Variants in EXOC6B observed in about 807,000 individuals in gnomAD.
EXOC6B encodes the protein SEC15 homolog B.
EXOC6B carries 54 observed loss-of-function variants against 113.5 expected under a neutral mutation model. The ratio of observed to expected loss-of-function variants is 0.48; its 90% CI spans 0.38 to 0.60. The LOEUF (loss-of-function observed/expected upper bound fraction) is 0.60. Among genes scored for constraint, EXOC6B ranks in the 20% least tolerant of loss-of-function variants. The probability of loss-of-function intolerance (pLI) is 0.00; values close to 1 mark genes in which losing one functional copy is unlikely to be tolerated. For synonymous variants in EXOC6B, 357 were observed against 339.0 expected (o/e 1.05, Z -0.58); for missense variants, 797 against 977.5 (o/e 0.82, Z 2.46).
At chr2:72,815,991 T>C (rs1686219333) in intron 1 of EXOC6B, among the ~76,000 whole-genome samples, 3 of 152,086 alleles carry the variant, frequency 2.0e-5, no homozygotes, top group Admixed American at 1.3e-4. Context: ...AAATCCCTTC[T>C]CTACTAAAAC....
chr2:72,206,244 C>T (rs1022763706), intron 20 of EXOC6B, among the ~76,000 whole-genome samples: 3 of 152,152 alleles, frequency 2.0e-5, no homozygotes, highest in East Asian at 1.9e-4. Context: ...AAGTCAGAAT[C>T]GGAAACCAGG....
chr2:72,633,868 T>C (rs1672647820), intron 6 of EXOC6B, among the ~76,000 whole-genome samples: 1 of 152,162 alleles, frequency 6.6e-6, no homozygotes, highest in Non-Finnish European at 1.5e-5. Context: ...CATAAGATAT[T>C]GCAATATGTA....
intron 8 of EXOC6B, among the ~76,000 whole-genome samples, chr2:72,521,067 G>T (rs1573315063): frequency 6.6e-6 from 1 of 152,294 alleles, no homozygotes; most frequent in South Asian, 2.1e-4. Context: ...AGTAGTAAGA[G>T]ATGCGGCCTT....
intron 7 of EXOC6B, among the ~76,000 whole-genome samples, chr2:72,569,330 A>G (rs1206839197): frequency 1.2e-5 from 1 of 83,378 alleles, no homozygotes; most frequent in Non-Finnish European, 3.4e-5. Flanking sequence ...ACAAAGCACA[A>G]CATTATTTTT....
intron 6 of EXOC6B, among the ~76,000 whole-genome samples, chr2:72,620,584 T>C (rs923947366): frequency 6.6e-6 from 1 of 151,310 alleles, no homozygotes; most frequent in Non-Finnish European, 1.5e-5. Flanking sequence ...CCTTGCTCAA[T>C]ATCCGCCTTG....
At chr2:72,806,796 T>C (rs1685604601) in intron 1 of EXOC6B, among the ~76,000 whole-genome samples, 1 of 152,224 alleles carries the variant, frequency 6.6e-6, no homozygotes, top group South Asian at 2.1e-4. Flanking sequence ...TGTTGAGCTT[T>C]TTTTTTTCAT....
intron 19 of EXOC6B, among the ~76,000 whole-genome samples, chr2:72,352,283 TAGAAAATAGAGTAGAA>T (rs1370307252): frequency 6.6e-6 from 1 of 151,914 alleles, no homozygotes; most frequent in Non-Finnish European, 1.5e-5. Context: ...AGAAAAGGAG[TAGAAAATAGAGTAGAA>T]GGAAAATAGA....
At chr2:72,565,917 C>T (rs922560923) in intron 7 of EXOC6B, among the ~76,000 whole-genome samples, 1 of 152,028 alleles carries the variant, frequency 6.6e-6, no homozygotes, top group Non-Finnish European at 1.5e-5. Context: ...ATTATACGTG[C>T]ATTTACCCCT....
intron 17 of EXOC6B, among the ~76,000 whole-genome samples, chr2:72,468,271 T>C (rs563575689): frequency 6.6e-6 from 1 of 152,236 alleles, no homozygotes; most frequent in Non-Finnish European, 1.5e-5. Context: ...GTAGTAATTT[T>C]AGTTTCAGGT....
At chr2:72,664,463 G>A (rs1675248656) in intron 6 of EXOC6B, among the ~76,000 whole-genome samples, 1 of 152,072 alleles carries the variant, frequency 6.6e-6, no homozygotes. Context: ...GGGATCCCAG[G>A]TACAAGAGAT....
intron 20 of EXOC6B, among the ~76,000 whole-genome samples, chr2:72,214,469 C>T (rs999235586): frequency 1.9e-4 from 27 of 141,904 alleles, no homozygotes; most frequent in Admixed American, 1.8e-3. Context: ...CTGGCCTGGG[C>T]GACTGAGTGA....
chr2:72,810,384 T>C (rs150000434), intron 1 of EXOC6B, among the ~76,000 whole-genome samples: 2 of 127,746 alleles, frequency 1.6e-5, no homozygotes, highest in African/African-American at 5.6e-5. Context: ...AATAAATAAA[T>C]AAAATACAGT....
At chr2:72,603,233 GATC>G (rs745434428) in intron 6 of EXOC6B, among the ~76,000 whole-genome samples, 3 of 151,978 alleles carry the variant, frequency 2.0e-5, no homozygotes, top group Non-Finnish European at 4.4e-5. Flanking sequence ...AAAACGAAAA[GATC>G]CAGACAAGAG....
chr2:72,824,906 C>G (rs143751492), intron 1 of EXOC6B, among the ~76,000 whole-genome samples: 2,425 of 152,216 alleles, frequency 0.016, 81 homozygotes, highest in African/African-American at 0.056. Context: ...GAATCTGAGT[C>G]CCCCACTTTA....
intron 8 of EXOC6B, among the ~76,000 whole-genome samples, chr2:72,524,876 T>C (rs1276447309): frequency 6.6e-6 from 1 of 152,222 alleles, no homozygotes; most frequent in African/African-American, 2.4e-5. Context: ...ATTAAAAATA[T>C]CATTACTTCC....
At chr2:72,630,709 C>A (rs1337294131) in intron 6 of EXOC6B, among the ~76,000 whole-genome samples, 1 of 151,714 alleles carries the variant, frequency 6.6e-6, no homozygotes, top group Non-Finnish European at 1.5e-5. Flanking sequence ...ATAATTCTGC[C>A]AAAAGTTAGG....
In EXOC6B at chr2:72,273,864, G is replaced by A. The variant is rs909066913; in HGVS notation, c.2196+61083C>T. 4.6e-5 allele frequency among the ~76,000 whole-genome samples: 7 copies of A among 152,186 alleles called. No individual in the cohort carries two copies. The South Asian group carries it at 8.3e-4, about 18-fold the overall frequency. ...CTTTAGCAGTAATGGGGGTGGGGAC[G>A]GGTCTACTATGCGAAAGCAGTGGGA... On this transcript the variant is annotated intron_variant, in intron 20 of 21. Transcript: ENST00000272427.
At chr2:72,273,396 AC>A (rs1191677802) in intron 20 of EXOC6B, among the ~76,000 whole-genome samples, 1 of 152,180 alleles carries the variant, frequency 6.6e-6, no homozygotes, top group African/African-American at 2.4e-5. Context: ...GAGTAAGACA[AC>A]AATCTCTATC....
At chr2:72,441,582 T>C (rs1573125456) in intron 18 of EXOC6B, among the ~76,000 whole-genome samples, 1 of 151,926 alleles carries the variant, frequency 6.6e-6, no homozygotes, top group East Asian at 1.9e-4. Context: ...CCCGCAGAAA[T>C]ACAAATAACC....
Sources: allele counts gnomAD v4.1 joint callset (sites outside exome capture counted in the v4.1 genomes callset), GRCh38; gene constraint gnomAD v4.1.1; transcripts MANE v1.5; gene names NCBI Gene and HGNC (gene_info 2026-07-23, HGNC 2026-07-21).